The following GABBR2 variants were observed in gnomAD, a reference collection of about 807,000 sequenced individuals.
GABBR2 encodes G-protein coupled receptor 51.
In GABBR2, 23 loss-of-function variants were observed where a neutral mutation model predicts 105.6. That is an observed-to-expected ratio of 0.22 (90% CI 0.16 to 0.31). GABBR2 has a LOEUF of 0.31. Ranked by LOEUF, GABBR2 falls within the 10% of genes least tolerant of loss-of-function variation. GABBR2 has a pLI of 1.00. For missense variants in GABBR2, 734 were observed against 1,245.5 expected, an observed-to-expected ratio of 0.59 and a Z score of 6.18; for synonymous variants, 478 against 499.7, an observed-to-expected ratio of 0.96 and a Z score of 0.58.
At position 98,541,927 on chromosome 9, in the gene GABBR2, G is replaced by A; in HGVS notation, c.576C>T (p.His192=). Residue 192 remains histidine, a synonymous_variant, in exon 3 of 19, where the codon CAC becomes CAT. Transcript: ENST00000259455. ...VNPAILKLLK[H]YQWKRVGTLT... ...GCGTGCCCACGCGCTTCCACTGGTA[G>A]TGCTTGAGCAACTTCAGAATGGCTG... 6.2e-7 allele frequency: 1 copy of A among 1,614,242 alleles called. No individual in the cohort carries two copies. The highest frequency in any genetic ancestry group is 8.5e-7 in the Non-Finnish European group (1 of 1,180,016).
At position 98,579,983 on chromosome 9, in the gene GABBR2, A is replaced by G. The variant is rs1006929635; in HGVS notation, c.322-1911T>C. ...TCTAAGTATGAGGGTAAAGGGTCACAGAATCACATCTTTGTACTATGTACA... is the reference window on the plus strand; with the variant it reads ...TCTAAGTATGAGGGTAAAGGGTCACGGAATCACATCTTTGTACTATGTACA... On this transcript the variant is annotated intron_variant, in intron 1 of 18. Transcript: ENST00000259455. 2.6e-5 allele frequency among the ~76,000 whole-genome samples: 4 copies of G among 152,220 alleles called. No homozygotes were observed. The South Asian group carries it at 6.2e-4, about 24-fold the overall frequency.
chr9:98,465,155 T>C (rs1471158252), intron 6 of GABBR2, among the ~76,000 whole-genome samples: 2 of 98,352 alleles, frequency 2.0e-5, no homozygotes, highest in African/African-American at 7.5e-5. Context: ...AAAGAAAAAT[T>C]AAAGCATAAA....
chr9:98,300,445 C>T (rs957406173), intron 16 of GABBR2, among the ~76,000 whole-genome samples: 6 of 152,146 alleles, frequency 3.9e-5, no homozygotes, highest in Admixed American at 6.5e-5. Flanking sequence ...GCACCTGGCC[C>T]ATTCCCAGGT....
intron 3 of GABBR2, among the ~76,000 whole-genome samples, chr9:98,532,008 CA>C (rs1365876532): frequency 6.6e-6 from 1 of 152,180 alleles, no homozygotes; most frequent in Non-Finnish European, 1.5e-5. Flanking sequence ...TTAGTATTTT[CA>C]ATTGAACGGT....
chr9:98,303,498 TCCCA>T, intron 15 of GABBR2, 75 bp from the exon 16 acceptor site: 3 of 1,282,158 alleles, frequency 2.3e-6, no homozygotes, highest in Non-Finnish European at 3.3e-6. Flanking sequence ...TGGCAGACTC[TCCCA>T]GCAGATCCTG....
At chr9:98,303,165 C>CT in intron 16 of GABBR2, 76 bp downstream of exon 16, 1 of 1,223,412 alleles carries the variant, frequency 8.2e-7, no homozygotes, top group East Asian at 2.4e-5. Context: ...TCTAGAGGAG[C>CT]CTGAGAGTCC....
chr9:98,385,102 C>G (rs1037417638), intron 11 of GABBR2, among the ~76,000 whole-genome samples: 9 of 152,116 alleles, frequency 5.9e-5, no homozygotes, highest in Non-Finnish European at 4.4e-5. Context: ...TGACTCTGAC[C>G]CTTGGCGCTG....
chr9:98,350,619 T>A (rs1320699042), intron 13 of GABBR2, among the ~76,000 whole-genome samples: 1 of 85,330 alleles, frequency 1.2e-5, no homozygotes, highest in Non-Finnish European at 3.0e-5. Flanking sequence ...ATGATTTCGA[T>A]GTAAAAAAAA....
chr9:98,417,162 ACTGAG>A (rs1248022581), intron 7 of GABBR2, among the ~76,000 whole-genome samples: 5 of 152,204 alleles, frequency 3.3e-5, no homozygotes, highest in Non-Finnish European at 5.9e-5. Context: ...GTTACGTTGC[ACTGAG>A]TTGAGTTGAG....
At chr9:98,391,477 T>C (rs572610981) in intron 9 of GABBR2, among the ~76,000 whole-genome samples, 14 of 152,246 alleles carry the variant, frequency 9.2e-5, no homozygotes, top group African/African-American at 3.1e-4. Context: ...GGGGTCCAGG[T>C]GATGTGATAA....
At chr9:98,590,702 C>T (rs1412752412) in intron 1 of GABBR2, among the ~76,000 whole-genome samples, 1 of 152,230 alleles carries the variant, frequency 6.6e-6, no homozygotes, top group Non-Finnish European at 1.5e-5. Context: ...ACTACGTGTG[C>T]CACCAAGCCA....
At chr9:98,353,849 T>C (rs1463315242) in intron 13 of GABBR2, among the ~76,000 whole-genome samples, 2 of 152,146 alleles carry the variant, frequency 1.3e-5, no homozygotes, top group African/African-American at 4.8e-5. Context: ...CTCATGATAG[T>C]AAATTCTCAC....
intron 1 of GABBR2, among the ~76,000 whole-genome samples, chr9:98,588,449 G>C (rs1369600537): frequency 6.6e-6 from 1 of 152,088 alleles, no homozygotes; most frequent in Non-Finnish European, 1.5e-5. Flanking sequence ...TAATAACACA[G>C]TGAGCCCTTA....
At chr9:98,581,107 C>T in intron 1 of GABBR2, 1 of 152,552 alleles carries the variant, frequency 6.6e-6, no homozygotes, top group Non-Finnish European at 1.5e-5. Flanking sequence ...GAGGCCGGGG[C>T]ACGCAGTCAC....
chr9:98,443,201 G>T (rs1179355404), intron 7 of GABBR2, among the ~76,000 whole-genome samples: 1 of 152,106 alleles, frequency 6.6e-6, no homozygotes, highest in Non-Finnish European at 1.5e-5. Flanking sequence ...CCATGTCCCT[G>T]GCTCCTTCCA....
chr9:98,620,839 T>G (rs1186724782), intron 1 of GABBR2, among the ~76,000 whole-genome samples: 2 of 152,138 alleles, frequency 1.3e-5, no homozygotes, highest in African/African-American at 4.8e-5. Context: ...TGAATCCCAC[T>G]TCGCTATCTG....
chr9:98,426,569 G>A (rs1825692891), intron 7 of GABBR2, among the ~76,000 whole-genome samples: 1 of 152,190 alleles, frequency 6.6e-6, no homozygotes, highest in Non-Finnish European at 1.5e-5. Context: ...ATGCCTGATT[G>A]AGAACCCATT....
chr9:98,708,627 G>A lies in GABBR2; in HGVS notation c.111C>T (p.Pro37=). The part of the protein sequence containing the change: ...LLLPLLLPLA[P]GAWGWARGAP... Reference sequence around the variant, plus strand: ...CGCCCCGCGCCCAGCCCCAGGCCCCGGGCGCCAGAGGCAGCAGCAGCGGCA... The same window carrying A: ...CGCCCCGCGCCCAGCCCCAGGCCCCAGGCGCCAGAGGCAGCAGCAGCGGCA... Residue 37 remains proline (P), a synonymous_variant, in exon 1 of 19, where the codon CCC becomes CCT. Coordinates refer to ENST00000259455, the MANE Select transcript of GABBR2 (RefSeq NM_005458.8). 5 of 1,275,836 alleles carry A rather than the reference G, an allele frequency of 3.9e-6. No homozygotes were observed. The highest frequency in any genetic ancestry group is 3.1e-5 in the East Asian group (1 of 32,076). The allele number at this position is 1,275,836 out of a possible 1,614,324, so 79.0% of individuals were successfully genotyped here. A position where few individuals can be genotyped will look rare whatever the true frequency, so the allele number is the denominator to read the frequency against.
intron 1 of GABBR2, among the ~76,000 whole-genome samples, chr9:98,682,377 T>G (rs1830561728): frequency 7.5e-6 from 1 of 133,968 alleles, no homozygotes; most frequent in Non-Finnish European, 1.6e-5. Flanking sequence ...TTTTTTTTTT[T>G]TTTTTTTTTT....
Sources: gnomAD v4.1 joint callset for allele counts (sites outside exome capture counted in the v4.1 genomes callset) on GRCh38, gnomAD v4.1.1 for gene constraint, MANE v1.5 for transcripts, NCBI Gene and HGNC (gene_info 2026-07-23, HGNC 2026-07-21) for gene names.